Variants in RAB40B observed in about 807,000 individuals in gnomAD.
RAB40B encodes the protein ras-related protein Rab-40B.
Under a neutral mutation model 24.0 loss-of-function variants are expected in RAB40B, and 21 were observed. That is an observed-to-expected ratio of 0.88 (90% CI 0.62 to 1.26). RAB40B has a LOEUF of 1.26. Among genes scored for constraint, RAB40B ranks in the 50% most tolerant of loss-of-function variants. RAB40B has a pLI of 0.00. For synonymous variants in RAB40B, 167 were observed against 169.8 expected, an observed-to-expected ratio of 0.98 and a Z score of 0.13; for missense variants, 348 against 390.5, an observed-to-expected ratio of 0.89 and a Z score of 0.92.
chr17:82,682,189 G>T (rs917066351), intron 1 of RAB40B, among the ~76,000 whole-genome samples: 5 of 151,570 alleles, frequency 3.3e-5, no homozygotes, highest in Non-Finnish European at 7.4e-5. Context: ...CAATAAGAAA[G>T]CTATTAGAAC....
intron 4 of RAB40B, chr17:82,659,158 G>C (rs753378772): frequency 3.7e-5 from 9 of 243,088 alleles, no homozygotes; most frequent in Non-Finnish European, 6.4e-5. Context: ...TGTGGTCGTC[G>C]GTTCTAGCAG....
At chr17:82,698,100 G>A (rs1291271887) in intron 1 of RAB40B, among the ~76,000 whole-genome samples, 14 of 152,042 alleles carry the variant, frequency 9.2e-5, no homozygotes, top group Admixed American at 8.5e-4. Flanking sequence ...GCGGCCCCAG[G>A]TCGGGAGGAG....
Position 82,671,951 on chromosome 17 carries a change from A to AC in RAB40B, c.143-7396dup, listed in dbSNP as rs1307098115. Among the ~76,000 whole-genome samples the AC allele has an allele frequency of 8.7e-3, 3 of 344 alleles. 1 individual carries two copies. Among genetic ancestry groups the AC allele is most frequent in the Admixed American group, 0.11 (2 of 18 alleles). The allele number at this position is 344 out of a possible 152,430, so 0.2% of individuals were successfully genotyped here. On this transcript the variant is annotated intron_variant, in intron 1 of 5. Transcript: ENST00000571995. ...CTCCCTGTACCCACTGACACAGCTCACCCTGTAACTCTAACACACACACTC... is the reference window on the plus strand; with the variant it reads ...CTCCCTGTACCCACTGACACAGCTCACCCCTGTAACTCTAACACACACACTC...
chr17:82,687,611 G>A (rs773432813), intron 1 of RAB40B, among the ~76,000 whole-genome samples: 2 of 152,166 alleles, frequency 1.3e-5, no homozygotes, highest in Non-Finnish European at 2.9e-5. Context: ...CAATGGCCTC[G>A]TTGTTCTCCA....
At chr17:82,680,027 C>T (rs2046434221) in intron 1 of RAB40B, among the ~76,000 whole-genome samples, 1 of 152,242 alleles carries the variant, frequency 6.6e-6, no homozygotes, top group Non-Finnish European at 1.5e-5. Context: ...GTGGTGGATT[C>T]CCTGAGGCTG....
chr17:82,689,981 A>G (rs977835864), intron 1 of RAB40B, among the ~76,000 whole-genome samples: 1 of 151,208 alleles, frequency 6.6e-6, no homozygotes, highest in African/African-American at 2.4e-5. Context: ...AAAAAAAAAA[A>G]GAAGTAGAAA....
chr17:82,684,725 G>A (rs557246008), intron 1 of RAB40B, among the ~76,000 whole-genome samples: 1 of 152,336 alleles, frequency 6.6e-6, no homozygotes, highest in East Asian at 1.9e-4. Flanking sequence ...TGGGGTTGGG[G>A]AGGGGCTGCC....
At chr17:82,658,767 G>A (rs780045867) in intron 4 of RAB40B, 54 bp from the exon 5 acceptor site, 1 of 1,515,402 alleles carries the variant, frequency 6.6e-7, no homozygotes, top group Non-Finnish European at 8.9e-7. Context: ...AGATTTTGTT[G>A]TCGTCGTAAT....
chr17:82,660,913 A>G, intron 3 of RAB40B, 74 bp downstream of exon 3: 1 of 1,524,118 alleles, frequency 6.6e-7, no homozygotes, highest in Non-Finnish European at 9.0e-7. Flanking sequence ...CCATTAAAGG[A>G]TGGTAAGTTA....
intron 2 of RAB40B, among the ~76,000 whole-genome samples, chr17:82,664,033 G>A (rs1000153592): frequency 6.3e-5 from 9 of 143,418 alleles, no homozygotes; most frequent in Admixed American, 2.1e-4. Flanking sequence ...GGTGGTGGGG[G>A]AAGGGTGTTC....
At chr17:82,659,134 C>A in intron 4 of RAB40B, 1 of 246,572 alleles carries the variant, frequency 4.1e-6, no homozygotes, top group Non-Finnish European at 7.9e-6. Context: ...TTCTGTTGTT[C>A]AGGACGCCCA....
intron 1 of RAB40B, among the ~76,000 whole-genome samples, chr17:82,672,019 ACGCT>A (rs1367798679): frequency 6.2e-5 from 2 of 32,348 alleles, no homozygotes. Context: ...ACACACACAC[ACGCT>A]CCCTGTACTC....
Position 82,657,999 on chromosome 17 carries a change from C to T in RAB40B, c.701G>A (p.Arg234Lys). 13 of 1,614,206 alleles carry T rather than the reference C, an allele frequency of 8.1e-6. No individual in the cohort carries two copies. Among genetic ancestry groups the T allele is most frequent in the Non-Finnish European group, 1.1e-5 (13 of 1,180,044 alleles). ...SFSMANGLNA[R>K]MMHGGSYSLT... ...GGAGTAGGAACCGCCGTGCATCATC[C>T]TGGCATTCAGGCCGTTGGCCATCGA... is the stretch of plus-strand genomic sequence containing the variant. The change falls in exon 6 of 6, where the codon AGG becomes AAG. Residue 234 changes from arginine (R) to lysine (K), a missense_variant. Physicochemically the swap from Arg to Lys is conservative, Grantham distance 26 (BLOSUM62 2). Coordinates refer to ENST00000571995, the MANE Select transcript of RAB40B (RefSeq NM_006822.3).
chr17:82,685,121 GA>G (rs373744689), intron 1 of RAB40B, among the ~76,000 whole-genome samples: 12 of 132,968 alleles, frequency 9.0e-5, no homozygotes, highest in South Asian at 2.5e-4. Context: ...CTCAAAAAAG[GA>G]AAAAAAAAAC....
At chr17:82,687,987 G>A (rs143877793) in intron 1 of RAB40B, among the ~76,000 whole-genome samples, 10 of 152,232 alleles carry the variant, frequency 6.6e-5, no homozygotes, top group South Asian at 2.1e-4. Flanking sequence ...TGAGAGGACT[G>A]TTTGAGCCCA....
intron 3 of RAB40B, among the ~76,000 whole-genome samples, chr17:82,660,685 T>C (rs1466079228): frequency 7.7e-5 from 4 of 52,096 alleles, no homozygotes; most frequent in South Asian, 9.8e-4. Context: ...TGCACACACA[T>C]GTACACACAC....
At chr17:82,678,379 G>A (rs113622752) in intron 1 of RAB40B, among the ~76,000 whole-genome samples, 15 of 152,286 alleles carry the variant, frequency 9.8e-5, no homozygotes, top group African/African-American at 2.9e-4. Context: ...TTCACTGAGT[G>A]AGTCAGAAAA....
At chr17:82,671,654 C>G (rs554925869) in intron 1 of RAB40B, among the ~76,000 whole-genome samples, 35 of 49,710 alleles carry the variant, frequency 7.0e-4, no homozygotes, top group African/African-American at 2.4e-3. Context: ...CACACTCACA[C>G]CCTGTACTCA....
intron 2 of RAB40B, 52 bp downstream of exon 2, chr17:82,664,444 A>AG (rs1440389524): frequency 6.3e-7 from 1 of 1,580,820 alleles, no homozygotes; most frequent in Non-Finnish European, 8.6e-7. Context: ...TATGCCAGCC[A>AG]GGGGGGTTAC....
Sources: gnomAD v4.1 joint callset for allele counts (sites outside exome capture counted in the v4.1 genomes callset) on GRCh38, gnomAD v4.1.1 for gene constraint, MANE v1.5 for transcripts, NCBI Gene and HGNC (gene_info 2026-07-23, HGNC 2026-07-21) for gene names.